The following MIDEAS variants were observed in gnomAD, a reference collection of about 807,000 sequenced individuals.
MIDEAS encodes the protein mitotic deacetylase-associated SANT domain protein.
In MIDEAS, 26 loss-of-function variants were observed where a neutral mutation model predicts 102.7. The observed-to-expected ratio is 0.25, with a 90% CI of 0.19 to 0.35. MIDEAS has a LOEUF of 0.35. Ranked by LOEUF, MIDEAS falls within the 10% of genes least tolerant of loss-of-function variation. The pLI is 1.00. For missense variants in MIDEAS, 1,231 were observed against 1,435.6 expected (o/e 0.86, Z 2.30); for synonymous variants, 585 against 591.0 (o/e 0.99, Z 0.15).
chr14:73,732,070 A>G (rs946634227), intron 3 of MIDEAS, among the ~76,000 whole-genome samples: 1 of 152,180 alleles, frequency 6.6e-6, no homozygotes, highest in Non-Finnish European at 1.5e-5. Flanking sequence ...CTAGCTCCTC[A>G]TCTATAAAAT....
chr14:73,777,501 C>G (rs1431360720), intron 1 of MIDEAS, among the ~76,000 whole-genome samples: 1 of 152,056 alleles, frequency 6.6e-6, no homozygotes, highest in Non-Finnish European at 1.5e-5. Context: ...CATGGCCCGG[C>G]CCTGCCTGCC....
At chr14:73,744,410 G>T (rs1376739286) in intron 1 of MIDEAS, among the ~76,000 whole-genome samples, 3 of 152,328 alleles carry the variant, frequency 2.0e-5, no homozygotes, top group South Asian at 2.1e-4. Flanking sequence ...ATGCCAAGTT[G>T]ATCTCAGCAG....
At chr14:73,753,791 GC>G (rs1342331006) in intron 1 of MIDEAS, among the ~76,000 whole-genome samples, 2 of 152,146 alleles carry the variant, frequency 1.3e-5, no homozygotes, top group Non-Finnish European at 2.9e-5. Context: ...GAGAGGTCTG[GC>G]CAGAAAGTCC....
In MIDEAS at chr14:73,738,908, A is replaced by C. The variant is rs923633177; in HGVS notation, c.1101T>G (p.Pro367=). The part of the protein sequence containing the change: ...PSALDGAGTQ[P]GQEATGNLFL... ...ACAGGTTGCCAGTGGCCTCCTGCCC[A>C]GGCTGGGTGCCAGCCCCATCCAGGG... The change falls in exon 2 of 13, where the codon CCT becomes CCG. Residue 367 remains proline, a synonymous_variant. Coordinates refer to ENST00000423556, the MANE Select transcript of MIDEAS (RefSeq NM_001367710.1). 29 of 1,535,564 alleles carry C rather than the reference A, an allele frequency of 1.9e-5. No individual in the cohort carries two copies. The highest frequency in any genetic ancestry group is 4.5e-5 in the East Asian group (2 of 44,170).
At chr14:73,783,479 C>T (rs2140181738) in intron 1 of MIDEAS, among the ~76,000 whole-genome samples, 1 of 152,270 alleles carries the variant, frequency 6.6e-6, no homozygotes, top group Non-Finnish European at 1.5e-5. Flanking sequence ...GGTCAGACCC[C>T]TGTGGAGAAG....
intron 3 of MIDEAS, chr14:73,730,193 G>A (rs1373214338): frequency 2.8e-6 from 2 of 714,114 alleles, no homozygotes. Flanking sequence ...TAAGGGGCCA[G>A]AGAGTAAATA....
chr14:73,739,610 T>C lies in MIDEAS; in HGVS notation c.399A>G (p.Thr133=), dbSNP rs2053257078. The C allele has an allele frequency of 1.2e-6, 2 of 1,613,948 alleles. No individual in the cohort carries two copies. Among genetic ancestry groups the C allele is most frequent in the Non-Finnish European group, 8.5e-7 (1 of 1,179,944 alleles). The change falls in exon 2 of 13, where the codon ACA becomes ACG. Residue 133 remains threonine (T), a synonymous_variant. Transcript: ENST00000423556. ...QQPGQPPPHS[T]WNCHSLSLYS... is the part of the protein sequence containing the mutation. ...AGAGGGACAGACTGTGGCAGTTCCA[T>C]GTTGAATGGGGTGGAGGCTGGCCTG...
intron 9 of MIDEAS, chr14:73,723,793 C>T (rs2053027316): frequency 6.6e-6 from 1 of 152,236 alleles, no homozygotes; most frequent in Admixed American, 6.5e-5. Context: ...TGGGCACCAT[C>T]TACATCCAAA....
At chr14:73,724,500 A>G (rs972158671) in intron 9 of MIDEAS, 10 of 152,220 alleles carry the variant, frequency 6.6e-5, no homozygotes, top group Admixed American at 5.2e-4. Flanking sequence ...TCCCGTCAGT[A>G]TTGCCCAATC....
At chr14:73,736,360 G>A (rs549035228) in intron 3 of MIDEAS, among the ~76,000 whole-genome samples, 3 of 152,066 alleles carry the variant, frequency 2.0e-5, no homozygotes, top group Non-Finnish European at 4.4e-5. Context: ...GGCCAGGCGC[G>A]GTGGCTCACA....
intron 3 of MIDEAS, among the ~76,000 whole-genome samples, chr14:73,731,474 G>GA (rs1164870205): frequency 1.8e-3 from 237 of 134,640 alleles, no homozygotes; most frequent in Middle Eastern, 3.7e-3. Flanking sequence ...TGATTGCACA[G>GA]AAAAAAAAAA....
rs965495745 is a variant in MIDEAS, at chr14:73,725,601, C to T, written c.2486-241G>A. 2.6e-5 allele frequency among the ~76,000 whole-genome samples: 4 copies of T among 152,216 alleles called. No homozygotes were observed. Among genetic ancestry groups the T allele is most frequent in the African/African-American group, 9.6e-5 (4 of 41,452 alleles). ...TAAATAAGATAATGCATGTGAAACC[C>T]TTGGTGCTCTGCCTGGTGCAGATGA... On this transcript the variant is annotated intron_variant, in intron 8 of 12. Transcript: ENST00000423556. The surrounding 1 kb of genome is among the most constrained non-coding windows in gnomAD (Gnocchi z 4.1).
chr14:73,752,747 C>T (rs1397335638), intron 1 of MIDEAS, among the ~76,000 whole-genome samples: 1 of 152,220 alleles, frequency 6.6e-6, no homozygotes, highest in East Asian at 1.9e-4. Context: ...AAGGCTCACA[C>T]ATTCTTTGCA....
rs779590133 is a variant in MIDEAS, at chr14:73,721,381, C to T, written c.2853G>A (p.Glu951=). The T allele has an allele frequency of 6.2e-7, 1 of 1,614,130 alleles. No homozygotes were observed. Among genetic ancestry groups the T allele is most frequent in the Non-Finnish European group, 8.5e-7 (1 of 1,180,020 alleles). Residue 951 remains glutamate (E), a synonymous_variant, in exon 11 of 13, where the codon GAG becomes GAA. Transcript: ENST00000423556. ...EGEEEVPEIQ[E]KEEQEEGRER... ...CTCGCCCCTCTTCCTGCTCCTCCTT[C>T]TCTTGGATCTCTGGCACCTCCTCCT... is the stretch of plus-strand genomic sequence containing the variant.
upstream of MIDEAS, among the ~76,000 whole-genome samples, chr14:73,788,056 T>G (rs549972448): frequency 3.3e-5 from 5 of 152,176 alleles, no homozygotes; most frequent in Non-Finnish European, 7.3e-5. Flanking sequence ...GAAAGCCACC[T>G]TTAAGATAAG....
intron 1 of MIDEAS, among the ~76,000 whole-genome samples, chr14:73,748,219 T>C (rs1346756602): frequency 6.6e-6 from 1 of 152,092 alleles, no homozygotes; most frequent in East Asian, 1.9e-4. Context: ...CATAATTACT[T>C]TAAATGTGAA....
At chr14:73,786,590 G>C (rs1159810131) in intron 1 of MIDEAS, among the ~76,000 whole-genome samples, 1 of 152,212 alleles carries the variant, frequency 6.6e-6, no homozygotes, top group Non-Finnish European at 1.5e-5. Context: ...AAATGCGTAG[G>C]GTTGTTTTCC....
chr14:73,750,113 C>T (rs529293319), intron 1 of MIDEAS, among the ~76,000 whole-genome samples: 1 of 152,286 alleles, frequency 6.6e-6, no homozygotes, highest in African/African-American at 2.4e-5. Context: ...AGGGAGCTAA[C>T]GAGTACTTCG....
chr14:73,738,198 C>T (rs1440156399), intron 2 of MIDEAS, among the ~76,000 whole-genome samples: 2 of 151,876 alleles, frequency 1.3e-5, no homozygotes, highest in African/African-American at 4.8e-5. Flanking sequence ...GAGTTCGAGA[C>T]CAGCCTGACC....
Sources: allele counts gnomAD v4.1 joint callset (sites outside exome capture counted in the v4.1 genomes callset), GRCh38; gene constraint gnomAD v4.1.1; non-coding constraint Gnocchi (gnomAD v3.1); transcripts MANE v1.5; gene names NCBI Gene and HGNC (gene_info 2026-07-23, HGNC 2026-07-21).